The following KRT34 variants were observed in gnomAD, a reference collection of about 807,000 sequenced individuals.
The protein encoded by KRT34 is keratin, type I cuticular Ha4.
A neutral mutation model predicts 41.7 loss-of-function variants in KRT34; 31 were observed. The observed-to-expected ratio is 0.74, with a 90% CI of 0.56 to 1.00. The LOEUF is 1.00. Ranked by LOEUF, KRT34 falls within the 50% of genes least tolerant of loss-of-function variation. KRT34 has a pLI of 0.00. For synonymous variants in KRT34, 224 were observed against 212.9 expected, an observed-to-expected ratio of 1.05 and a Z score of -0.45; for missense variants, 523 against 500.3, an observed-to-expected ratio of 1.05 and a Z score of -0.43.
chr17:41,381,245 A>G lies in KRT34; in HGVS notation c.432-33T>C, dbSNP rs755784892. 6 of 1,600,902 alleles carry G rather than the reference A, an allele frequency of 3.7e-6. No individual in the cohort carries two copies. The East Asian group carries it at 1.3e-4, about 36-fold the overall frequency. The stretch of plus-strand genomic sequence containing the variant: ...TGTCGGAGTGGGAGGATAAGTCAGG[A>G]AAGAAAACCACCTTCCCCTCTCATG... On this transcript the variant is annotated intron_variant, in intron 2 of 6. Transcript: ENST00000394001.
Position 41,379,645 on chromosome 17 carries a change from C to G in KRT34, c.675G>C (p.Leu225=). ...CCTCATACTGACTCCTGGTCTCGTT[C>G]AGGACCTGGTTCAGGTCCACAGTGG... ...TAPTVDLNQV[L]NETRSQYEAL... The change falls in exon 4 of 7, where the codon CTG becomes CTC. Residue 225 remains leucine (L), a synonymous_variant. Coordinates refer to ENST00000394001, the MANE Select transcript of KRT34 (RefSeq NM_001386014.1). 1 of 1,614,202 alleles carries G rather than the reference C, an allele frequency of 6.2e-7. No homozygotes were observed. The highest frequency in any genetic ancestry group is 8.5e-7 in the Non-Finnish European group (1 of 1,180,024).
rs1355320273 is a variant in KRT34 at position 41,379,182 on chromosome 17, G to A, written c.877-6C>T. On this transcript the variant is annotated splice_region_variant and splice_polypyrimidine_tract_variant and intron_variant, in intron 5 of 6. Coordinates refer to ENST00000394001, the MANE Select transcript of KRT34 (RefSeq NM_001386014.1). Reference sequence around the variant, plus strand: ...GTGTTTTCCAGAGAGTCTCGCTGTGGTGGGGAAGATCAGGAATGTCAGAGA... The same window carrying A: ...GTGTTTTCCAGAGAGTCTCGCTGTGATGGGGAAGATCAGGAATGTCAGAGA... 2 of 1,614,032 alleles carry A rather than the reference G, an allele frequency of 1.2e-6. No homozygotes were observed. Among genetic ancestry groups the A allele is most frequent in the Non-Finnish European group, 8.5e-7 (1 of 1,179,970 alleles).
At position 41,381,879 on chromosome 17, in the gene KRT34, C is replaced by T. The variant is rs779430132; in HGVS notation, c.348+20G>A. On this transcript the variant is annotated intron_variant, in intron 1 of 6. Transcript: ENST00000394001. ...AGAGAGCCAGCTGCTGCTGGCCCCC[C>T]ATATGGCCAACCCCCTCACCTTCTG... is the stretch of plus-strand genomic sequence containing the variant. 1.9e-6 allele frequency: 3 copies of T among 1,613,230 alleles called. No individual in the cohort carries two copies. The highest frequency in any genetic ancestry group is 2.5e-6 in the Non-Finnish European group (3 of 1,179,234).
upstream of KRT34, among the ~76,000 whole-genome samples, chr17:41,383,181 G>C (rs914342602): frequency 6.6e-6 from 1 of 152,046 alleles, no homozygotes; most frequent in South Asian, 2.1e-4. Flanking sequence ...ACCACACCCG[G>C]CTAATTTTTG....
At chr17:41,383,168 G>A (rs774126687), upstream of KRT34, among the ~76,000 whole-genome samples, 21 of 152,056 alleles carry the variant, frequency 1.4e-4, no homozygotes, top group Admixed American at 3.9e-4. Context: ...ACAGGTGCCC[G>A]CCACCACACC....
rs778888408 is a variant in KRT34 at position 41,378,055 on chromosome 17, C to G, written c.*4G>C. The G allele has an allele frequency of 7.5e-6, 12 of 1,608,662 alleles. No homozygotes were observed. The highest frequency in any genetic ancestry group is 6.7e-5 in the East Asian group (3 of 44,870). On this transcript the variant is annotated 3_prime_UTR_variant, in exon 7 of 7. Coordinates refer to ENST00000394001, the MANE Select transcript of KRT34 (RefSeq NM_001386014.1). ...TAGATGTCTTCAAAGAGGATACAAGCTTTTCAATTACAGCAACCCTTTTGA... is the reference window on the plus strand; with the variant it reads ...TAGATGTCTTCAAAGAGGATACAAGGTTTTCAATTACAGCAACCCTTTTGA...
chr17:41,378,236 C>T lies in KRT34; in HGVS notation c.1098-90G>A, dbSNP rs76249322. ...CTTAATGACACAACCTATGAATTCT[C>T]AGTGGCTGGAGTTAGTTGGAATCAA... is the stretch of plus-strand genomic sequence containing the variant. On this transcript the variant is annotated intron_variant, in intron 6 of 6. Transcript: ENST00000394001. 2,621 of 842,892 alleles carry T rather than the reference C, an allele frequency of 3.1e-3. 50 individuals are homozygous for T. In the African/African-American group the frequency reaches 0.039, roughly 12 times the overall value. The allele number at this position is 842,892 out of a possible 1,614,324, so 52.2% of individuals were successfully genotyped here.
rs767289297 is a variant in KRT34, at chr17:41,382,002, G to A, written c.245C>T (p.Ala82Val). ...EKVRQLERDN[A>V]ELEKLIQERS... ...CTCCTGGATGAGTTTCTCCAGCTCC[G>A]CGTTGTCCCGCTCCAGCTGACGCAC... The change falls in exon 1 of 7, where the codon GCG (alanine) becomes GTG (valine). Residue 82 changes from alanine to valine, a missense_variant. Coordinates refer to ENST00000394001, the MANE Select transcript of KRT34 (RefSeq NM_001386014.1). 41 of 1,614,136 alleles carry A rather than the reference G, an allele frequency of 2.5e-5. No homozygotes were observed. The highest frequency in any genetic ancestry group is 3.3e-5 in the Admixed American group (2 of 60,016).
Position 41,379,477 on chromosome 17 carries a change from GT to G in KRT34, c.751del (p.Thr251ProfsTer4). On this transcript the variant is annotated frameshift_variant and splice_region_variant, in exon 5 of 7. Coordinates refer to ENST00000394001, the MANE Select transcript of KRT34 (RefSeq NM_001386014.1). LOFTEE classifies it high-confidence loss of function. ...TACCACCTGCTTGTTCAGCTCCTCG[GT>G]CTGAAACACCCAAGTGGGGAAAGGA... is the stretch of plus-strand genomic sequence containing the variant. ...REVEQWFATQ[T>X]EELNKQVVSS... 1 of 1,614,242 alleles carries G rather than the reference GT, an allele frequency of 6.2e-7. No homozygotes were observed. The highest frequency in any genetic ancestry group is 2.2e-5 in the East Asian group (1 of 44,872).
At position 41,381,721 on chromosome 17, in the gene KRT34, G is replaced by A. The variant is rs753642654; in HGVS notation, c.423C>T (p.Phe141=). The A allele has an allele frequency of 1.2e-6, 2 of 1,614,138 alleles. No individual in the cohort carries two copies. Among genetic ancestry groups the A allele is most frequent in the Non-Finnish European group, 1.7e-6 (2 of 1,179,958 alleles). The change falls in exon 2 of 7, where the codon TTC becomes TTT. Residue 141 remains phenylalanine (F), a synonymous_variant. Coordinates refer to ENST00000394001, the MANE Select transcript of KRT34 (RefSeq NM_001386014.1). ...IDNAKLASDD[F]RSKYQTEQSL... is the part of the protein sequence containing the mutation. Reference sequence around the variant, plus strand: ...CTTGAAGTTCAACATACTTGCTTCTGAAGTCGTCAGAGGCCAGCTTGGCAT... The same window carrying A: ...CTTGAAGTTCAACATACTTGCTTCTAAAGTCGTCAGAGGCCAGCTTGGCAT...
At position 41,381,964 on chromosome 17, in the gene KRT34, GC is replaced by G. The variant is rs1180285506; in HGVS notation, c.282del (p.Gln94HisfsTer36). ...TAGCTGGGGCACAGCAAGGGCTCCT[GC>G]TGCTGGGACCGCTCCTGGATGAGTT... ...LEKLIQERSQ[Q>X]QEPLLCPSYQ... On this transcript the variant is annotated frameshift_variant, in exon 1 of 7. Transcript: ENST00000394001. LOFTEE classifies it high-confidence loss of function. 7 of 1,614,172 alleles carry G rather than the reference GC, an allele frequency of 4.3e-6. No homozygotes were observed. The Admixed American group carries it at 1.0e-4, about 23-fold the overall frequency.
Position 41,382,133 on chromosome 17 carries a change from G to A in KRT34, c.114C>T (p.Pro38=), listed in dbSNP as rs144533168. ...GYTLPGACNI[P]ANVSNCNWFC... ...ACCAGTTGCAGTTGCTCACATTGGC[G>A]GGGATGTTGCAGGCCCCAGGCAGGG... is the stretch of plus-strand genomic sequence containing the variant. Residue 38 remains proline, a synonymous_variant, in exon 1 of 7, where the codon CCC becomes CCT. Coordinates refer to ENST00000394001, the MANE Select transcript of KRT34 (RefSeq NM_001386014.1). 5.9e-5 allele frequency: 95 copies of A among 1,612,470 alleles called. No homozygotes were observed. The East Asian group carries it at 8.0e-4, about 14-fold the overall frequency.
At chr17:41,380,231 C>G (rs913126720) in intron 3 of KRT34, among the ~76,000 whole-genome samples, 1 of 151,296 alleles carries the variant, frequency 6.6e-6, no homozygotes, top group Non-Finnish European at 1.5e-5. Context: ...TGCACTCCAG[C>G]CTGGTGACAG....
intron 2 of KRT34, 103 bp downstream of exon 2, chr17:41,381,610 C>T: frequency 9.8e-7 from 1 of 1,019,260 alleles, no homozygotes; most frequent in Non-Finnish European, 1.5e-6. Context: ...CATAACCAGC[C>T]CTAGGAGGAG....
At chr17:41,382,562 C>T (rs566613878), upstream of KRT34, among the ~76,000 whole-genome samples, 5 of 152,244 alleles carry the variant, frequency 3.3e-5, no homozygotes, top group Admixed American at 3.3e-4. Context: ...ATCATCACAG[C>T]CCCAAAAGGC....
chr17:41,382,132 CGG>C lies in KRT34; in HGVS notation c.113_114del (p.Pro38ArgfsTer11). On this transcript the variant is annotated frameshift_variant, in exon 1 of 7. Coordinates refer to ENST00000394001, the MANE Select transcript of KRT34 (RefSeq NM_001386014.1). LOFTEE classifies it high-confidence loss of function. ...GYTLPGACNIPANVSNCNWFC... is the reference protein window; with the variant it reads ...GYTLPGACNIXANVSNCNWFC... ...AACCAGTTGCAGTTGCTCACATTGG[CGG>C]GGATGTTGCAGGCCCCAGGCAGGGT... 1 of 1,612,454 alleles carries C rather than the reference CGG, an allele frequency of 6.2e-7. No individual in the cohort carries two copies. The highest frequency in any genetic ancestry group is 8.5e-7 in the Non-Finnish European group (1 of 1,180,034).
upstream of KRT34, chr17:41,382,478 T>A: frequency 2.1e-6 from 2 of 943,416 alleles, no homozygotes; most frequent in Non-Finnish European, 3.1e-6. Flanking sequence ...TCAGCTTATG[T>A]CACACCAGGC....
intron 2 of KRT34, among the ~76,000 whole-genome samples, chr17:41,381,427 T>C (rs1416092074): frequency 6.6e-6 from 1 of 152,126 alleles, no homozygotes; most frequent in African/African-American, 2.4e-5. Context: ...TGAGATGAAG[T>C]CTCTCACTGT....
rs763747204 is a variant in KRT34, at chr17:41,382,166, G to A, written c.81C>T (p.His27=). The A allele has an allele frequency of 1.3e-4, 208 of 1,612,246 alleles. 2 individuals are homozygous for A. In the Admixed American group the frequency reaches 3.0e-3, roughly 24 times the overall value. ...TGCAGGCCCCAGGCAGGGTGTAGCCGTGGCAGCTGGGGGGCACGCAGGGCC... is the reference window on the plus strand; with the variant it reads ...TGCAGGCCCCAGGCAGGGTGTAGCCATGGCAGCTGGGGGGCACGCAGGGCC... ...SSRPCVPPSC[H]GYTLPGACNI... is the part of the protein sequence containing the mutation. Residue 27 remains histidine, a synonymous_variant, in exon 1 of 7, where the codon CAC becomes CAT. Coordinates refer to ENST00000394001, the MANE Select transcript of KRT34 (RefSeq NM_001386014.1).
Sources: allele counts gnomAD v4.1 joint callset (sites outside exome capture counted in the v4.1 genomes callset), GRCh38; gene constraint gnomAD v4.1.1; transcripts MANE v1.5; gene names NCBI Gene and HGNC (gene_info 2026-07-23, HGNC 2026-07-21).